Variants in GABRG3 observed in about 807,000 individuals in gnomAD.
GABRG3 encodes the protein gamma-aminobutyric acid type A receptor subunit gamma3.
A neutral mutation model predicts 48.8 loss-of-function variants in GABRG3; 25 were observed. The ratio of observed to expected loss-of-function variants is 0.51; its 90% CI spans 0.37 to 0.72. The LOEUF (loss-of-function observed/expected upper bound fraction) is 0.72, where lower values mean the gene tolerates loss of function less well. Among genes scored for constraint, GABRG3 ranks in the 30% least tolerant of loss-of-function variants. The pLI is 0.00. For synonymous variants in GABRG3, 227 were observed against 217.6 expected (o/e 1.04, Z -0.38); for missense variants, 394 against 577.9 (o/e 0.68, Z 3.26).
intron 3 of GABRG3, among the ~76,000 whole-genome samples, chr15:27,311,812 A>G (rs7495025): frequency 0.95 from 143,810 of 152,090 alleles, 68,258 homozygotes; most frequent in African/African-American, 0.99. Context: ...ACAAAGGTCC[A>G]AGAGGCTCCG....
intron 5 of GABRG3, among the ~76,000 whole-genome samples, chr15:27,478,278 C>G (rs1004094070): frequency 1.3e-5 from 2 of 151,940 alleles, no homozygotes; most frequent in African/African-American, 2.4e-5. Context: ...GACTTGTACC[C>G]AAAATATACA....
intron 6 of GABRG3, among the ~76,000 whole-genome samples, chr15:27,484,832 G>A (rs1399241702): frequency 6.6e-6 from 1 of 152,152 alleles, no homozygotes; most frequent in Non-Finnish European, 1.5e-5. Flanking sequence ...TGAGCAGCAA[G>A]ATAAATACAG....
chr15:26,976,716 T>C lies in GABRG3; in HGVS notation c.54-286T>C, dbSNP rs1013752881. On this transcript the variant is annotated intron_variant, in intron 1 of 9. Coordinates refer to ENST00000615808, the MANE Select transcript of GABRG3 (RefSeq NM_033223.5). This position sits in a 1 kb window ranked among gnomAD's most constrained non-coding sequence, Gnocchi z 7.8. ...TTGCCTGCTGGTTGGCCCTCTGGTG[T>C]TGTTTACCTGCCACGTTGTCTGTAG... Among the ~76,000 whole-genome samples, 8 of 152,152 alleles carry C rather than the reference T, an allele frequency of 5.3e-5. No homozygotes were observed. The South Asian group carries it at 1.5e-3, about 28-fold the overall frequency.
At chr15:27,248,723 C>A (rs1230409887) in intron 3 of GABRG3, among the ~76,000 whole-genome samples, 1 of 149,778 alleles carries the variant, frequency 6.7e-6, no homozygotes, top group African/African-American at 2.5e-5. Flanking sequence ...TTTTCATGAT[C>A]CCAGCAATGA....
At chr15:27,199,754 C>T (rs918139317) in intron 3 of GABRG3, among the ~76,000 whole-genome samples, 3 of 152,162 alleles carry the variant, frequency 2.0e-5, no homozygotes, top group Admixed American at 2.0e-4. Flanking sequence ...CCAAATAAAC[C>T]TTTTCTTCGT....
chr15:27,302,154 C>T (rs1224339657), intron 3 of GABRG3, among the ~76,000 whole-genome samples: 1 of 152,038 alleles, frequency 6.6e-6, no homozygotes, highest in Non-Finnish European at 1.5e-5. Context: ...TTCTTTTATA[C>T]TGAAATTCTT....
intron 3 of GABRG3, among the ~76,000 whole-genome samples, chr15:27,281,981 C>A (rs1891449583): frequency 6.6e-6 from 1 of 152,110 alleles, no homozygotes; most frequent in South Asian, 2.1e-4. Context: ...TTCCTAAAGA[C>A]ATTATTTGCT....
chr15:27,371,780 T>C (rs1250434862), intron 5 of GABRG3, among the ~76,000 whole-genome samples: 1 of 150,606 alleles, frequency 6.6e-6, no homozygotes, highest in Non-Finnish European at 1.5e-5. Context: ...ATCTCACATA[T>C]ATTAATATTT....
intron 3 of GABRG3, among the ~76,000 whole-genome samples, chr15:27,131,299 CT>C (rs1347089144): frequency 2.0e-5 from 3 of 151,728 alleles, no homozygotes; most frequent in African/African-American, 4.8e-5. Flanking sequence ...TGATCATGTG[CT>C]TTTTTTTCTT....
At chr15:27,076,885 A>G (rs924912045) in intron 3 of GABRG3, among the ~76,000 whole-genome samples, 3 of 152,158 alleles carry the variant, frequency 2.0e-5, no homozygotes, top group African/African-American at 7.2e-5. Flanking sequence ...GTGAGAGAAA[A>G]ACATTTTGTT....
intron 3 of GABRG3, among the ~76,000 whole-genome samples, chr15:27,159,736 A>G (rs1195677382): frequency 6.6e-6 from 1 of 152,130 alleles, no homozygotes; most frequent in Non-Finnish European, 1.5e-5. Context: ...GGTCAGATAC[A>G]CATTCCCTGC....
At chr15:27,186,147 A>G (rs1888089792) in intron 3 of GABRG3, among the ~76,000 whole-genome samples, 2 of 152,096 alleles carry the variant, frequency 1.3e-5, no homozygotes, top group Admixed American at 6.6e-5. Flanking sequence ...ACAGTACCCA[A>G]TAGACAGCTT....
chr15:27,235,447 G>A (rs1271024693), intron 3 of GABRG3, among the ~76,000 whole-genome samples: 2 of 150,898 alleles, frequency 1.3e-5, no homozygotes, highest in East Asian at 3.9e-4. Flanking sequence ...GTGTTTGTGA[G>A]ATTATGTACT....
At chr15:27,499,270 G>C (rs1447817322) in intron 6 of GABRG3, among the ~76,000 whole-genome samples, 1 of 152,220 alleles carries the variant, frequency 6.6e-6, no homozygotes, top group South Asian at 2.1e-4. Flanking sequence ...AGCACTTATC[G>C]ATCTCAGACA....
chr15:27,300,372 A>C (rs1319195239), intron 3 of GABRG3, among the ~76,000 whole-genome samples: 1 of 152,132 alleles, frequency 6.6e-6, no homozygotes, highest in African/African-American at 2.4e-5. Flanking sequence ...CGTATTTTTA[A>C]AAACATGCAG....
intron 3 of GABRG3, among the ~76,000 whole-genome samples, chr15:27,220,466 A>G (rs1472695472): frequency 6.6e-6 from 1 of 152,130 alleles, no homozygotes; most frequent in Non-Finnish European, 1.5e-5. Flanking sequence ...AGCAAGAGTG[A>G]TGGCCTGTAG....
chr15:27,012,958 C>T (rs150182615), intron 2 of GABRG3, among the ~76,000 whole-genome samples: 6 of 152,108 alleles, frequency 3.9e-5, no homozygotes, highest in Middle Eastern at 3.4e-3. Flanking sequence ...TTAAAAGGTA[C>T]GTATTAATAA....
intron 6 of GABRG3, among the ~76,000 whole-genome samples, chr15:27,518,999 A>G: frequency 6.6e-6 from 1 of 152,172 alleles, no homozygotes; most frequent in Admixed American, 6.5e-5. Context: ...CATTGAGAAG[A>G]GAAAAGGAGG....
intron 3 of GABRG3, among the ~76,000 whole-genome samples, chr15:27,136,212 C>T (rs1830499954): frequency 1.3e-5 from 2 of 152,154 alleles, no homozygotes. Context: ...CTTTTTAAGG[C>T]TCTGAAGAGC....
Sources: allele counts gnomAD v4.1 joint callset (sites outside exome capture counted in the v4.1 genomes callset), GRCh38; gene constraint gnomAD v4.1.1; non-coding constraint Gnocchi (gnomAD v3.1); transcripts MANE v1.5; gene names NCBI Gene and HGNC (gene_info 2026-07-23, HGNC 2026-07-21).